Variants in WASHC2C observed in about 807,000 individuals in gnomAD.
WASHC2C encodes WASH complex subunit 2C, also known as Vaccinia Penetration Factor.
Under a neutral mutation model 142.2 loss-of-function variants are expected in WASHC2C, and 73 were observed. The ratio of observed to expected loss-of-function variants is 0.51; its 90% CI spans 0.43 to 0.62. The LOEUF is 0.62. Among genes scored for constraint, WASHC2C ranks in the 20% least tolerant of loss-of-function variants. The pLI is 0.00. For missense variants in WASHC2C, 969 were observed against 1,531.7 expected (o/e 0.63, Z 6.13); for synonymous variants, 337 against 565.5 (o/e 0.60, Z 5.73).
At chr10:45,782,280 CCT>C (rs2057566168) in intron 23 of WASHC2C, among the ~76,000 whole-genome samples, 1 of 151,850 alleles carries the variant, frequency 6.6e-6, no homozygotes, top group South Asian at 2.1e-4. Context: ...AGAACGAGAC[CCT>C]GTCTGAAAAA....
intron 8 of WASHC2C, among the ~76,000 whole-genome samples, chr10:45,747,424 G>C (rs577158697): frequency 6.6e-6 from 1 of 152,170 alleles, no homozygotes; most frequent in African/African-American, 2.4e-5. Context: ...GATTACAGGC[G>C]TGAGCCACCA....
intron 3 of WASHC2C, among the ~76,000 whole-genome samples, chr10:45,735,403 T>C (rs1554864102): frequency 6.6e-6 from 1 of 151,294 alleles, no homozygotes; most frequent in Non-Finnish European, 1.5e-5. Context: ...CTAATTTTTA[T>C]ATTTTTAGTA....
upstream of WASHC2C, chr10:45,727,201 T>C (rs1486852547): frequency 1.4e-4 from 208 of 1,475,636 alleles, 1 homozygote; most frequent in Non-Finnish European, 1.8e-4. Flanking sequence ...TCACGTGACA[T>C]CAGGTCACGT....
chr10:45,731,557 C>T (rs1256175620), intron 3 of WASHC2C, among the ~76,000 whole-genome samples: 7 of 148,730 alleles, frequency 4.7e-5, no homozygotes, highest in East Asian at 2.0e-4. Context: ...CCACTGCGCT[C>T]GGCCCTTAGT....
At position 45,751,094 on chromosome 10, in the gene WASHC2C, T is replaced by C. The variant is rs577553882; in HGVS notation, c.931+256T>C. Among the ~76,000 whole-genome samples, 116 of 152,228 alleles carry C rather than the reference T, an allele frequency of 7.6e-4. 2 individuals are homozygous for C. In the South Asian group the frequency reaches 0.02, roughly 26 times the overall value. On this transcript the variant is annotated intron_variant, in intron 10 of 30. Coordinates refer to ENST00000623400, the MANE Select transcript of WASHC2C (RefSeq NM_001330074.2). Reference sequence around the variant, plus strand: ...ACCCTTTACATATAATTTCAGGGGATTAATGGAAACTCCAGAGAACCATGG... The same window carrying C: ...ACCCTTTACATATAATTTCAGGGGACTAATGGAAACTCCAGAGAACCATGG...
At chr10:45,748,344 C>T (rs1336677061) in intron 8 of WASHC2C, among the ~76,000 whole-genome samples, 3 of 129,870 alleles carry the variant, frequency 2.3e-5, no homozygotes, top group Non-Finnish European at 3.1e-5. Context: ...GGCTGGAGTG[C>T]AGTGGCACGA....
At chr10:45,754,426 A>G (rs543095438) in intron 13 of WASHC2C, 60 bp from the exon 14 acceptor site, 3 of 1,603,262 alleles carry the variant, frequency 1.9e-6, no homozygotes, top group African/African-American at 2.7e-5. Flanking sequence ...TTTCAGGAAG[A>G]AAATAGCAAG....
At chr10:45,787,676 G>A (rs1470108791) in intron 28 of WASHC2C, among the ~76,000 whole-genome samples, 5 of 151,602 alleles carry the variant, frequency 3.3e-5, no homozygotes, top group African/African-American at 4.9e-5. Context: ...TTCCTCACTA[G>A]TCACTTCACA....
At chr10:45,735,232 T>C (rs1342175910) in intron 3 of WASHC2C, among the ~76,000 whole-genome samples, 1 of 151,658 alleles carries the variant, frequency 6.6e-6, no homozygotes, top group African/African-American at 2.4e-5. Context: ...CTTTTACTTA[T>C]TTATTTATTT....
intron 11 of WASHC2C, among the ~76,000 whole-genome samples, 191 bp downstream of exon 11, chr10:45,751,744 G>A (rs1413181910): frequency 2.0e-5 from 3 of 152,306 alleles, no homozygotes; most frequent in African/African-American, 4.8e-5. Flanking sequence ...TTGGGAGGCC[G>A]AGGCGGGTGG....
chr10:45,751,867 C>G (rs2053634357), intron 11 of WASHC2C, among the ~76,000 whole-genome samples: 1 of 152,022 alleles, frequency 6.6e-6, no homozygotes, highest in Admixed American at 6.6e-5. Flanking sequence ...GTCCCAGCTA[C>G]TTGGGAGGCT....
intron 2 of WASHC2C, among the ~76,000 whole-genome samples, chr10:45,728,653 G>C (rs2050191292): frequency 6.6e-6 from 1 of 151,498 alleles, no homozygotes; most frequent in Admixed American, 6.6e-5. Flanking sequence ...CAGGAGAATC[G>C]CTTGAACGCG....
In WASHC2C at chr10:45,727,558, G is replaced by A. The variant is rs748350056; in HGVS notation, c.126+19G>A. Reference sequence around the variant, plus strand: ...CGCGGGCGTGAGAGGCGGGCCCCGGGGACGCGAGAGCGGCAGGGGTGACGC... The same window carrying A: ...CGCGGGCGTGAGAGGCGGGCCCCGGAGACGCGAGAGCGGCAGGGGTGACGC... On this transcript the variant is annotated intron_variant, in intron 2 of 30. Coordinates refer to ENST00000623400, the MANE Select transcript of WASHC2C (RefSeq NM_001330074.2). 2.9e-5 allele frequency: 45 copies of A among 1,562,996 alleles called. No homozygotes were observed. The Admixed American group carries it at 5.8e-4, about 20-fold the overall frequency.
chr10:45,732,575 TCTTAG>T (rs1300310259), intron 3 of WASHC2C, among the ~76,000 whole-genome samples: 3 of 152,090 alleles, frequency 2.0e-5, no homozygotes, highest in African/African-American at 7.2e-5. Flanking sequence ...TGTTTCAAAA[TCTTAG>T]CTTTGTAAAA....
Position 45,729,005 on chromosome 10 carries a change from T to C in WASHC2C, c.270T>C (p.Ser90=), listed in dbSNP as rs377604507. Reference sequence around the variant, plus strand: ...TCTTCAATGACTTCCTTATGCTCTCTAATACCCAGTTCATAGAGAATGTGA... The same window carrying C: ...TCTTCAATGACTTCCTTATGCTCTCCAATACCCAGTTCATAGAGAATGTGA... The part of the protein sequence containing the change: ...HNVFNDFLML[S]NTQFIENRVY... The change falls in exon 3 of 31, where the codon TCT becomes TCC. Residue 90 remains serine (S), a synonymous_variant. Coordinates refer to ENST00000623400, the MANE Select transcript of WASHC2C (RefSeq NM_001330074.2). The C allele has an allele frequency of 1.9e-6, 3 of 1,613,542 alleles. No individual in the cohort carries two copies. The highest frequency in any genetic ancestry group is 2.2e-5 in the South Asian group (2 of 90,918).
chr10:45,784,635 A>G lies in WASHC2C; in HGVS notation c.2549A>G (p.Lys850Arg), dbSNP rs1554889257. ...GATGAAGAGCTGCTTTTCAGCCACA[A>G]GCTCCAAAAGGACAATGACCCAGAT... ...FQDEELLFSH[K>R]LQKDNDPDVD... The change falls in exon 24 of 31, where the codon AAG becomes AGG. Residue 850 changes from lysine (K) to arginine (R), a missense_variant. Lys to Arg is a conservative substitution (Grantham distance 26). Coordinates refer to ENST00000623400, the MANE Select transcript of WASHC2C (RefSeq NM_001330074.2). 3 of 1,609,986 alleles carry G rather than the reference A, an allele frequency of 1.9e-6. No homozygotes were observed. The highest frequency in any genetic ancestry group is 2.2e-5 in the South Asian group (2 of 90,856).
At chr10:45,761,322 G>A (rs1403982721) in intron 17 of WASHC2C, among the ~76,000 whole-genome samples, 1 of 152,212 alleles carries the variant, frequency 6.6e-6, no homozygotes, top group East Asian at 1.9e-4. Context: ...TGGAGGCCAT[G>A]TCGCCTTCTG....
intron 26 of WASHC2C, 139 bp from the exon 27 acceptor site, chr10:45,786,467 CCCCAGG>C (rs2058050338): frequency 2.2e-6 from 2 of 911,718 alleles, no homozygotes; most frequent in Non-Finnish European, 3.6e-6. Context: ...AAACATCAGG[CCCCAGG>C]AGAGATTTGA....
intron 23 of WASHC2C, among the ~76,000 whole-genome samples, chr10:45,779,943 C>T (rs1447276721): frequency 6.6e-6 from 1 of 151,322 alleles, no homozygotes; most frequent in African/African-American, 2.4e-5. Flanking sequence ...CGAGATCGCA[C>T]CACTGCACTC....
Sources: gnomAD v4.1 joint callset for allele counts (sites outside exome capture counted in the v4.1 genomes callset) on GRCh38, gnomAD v4.1.1 for gene constraint, MANE v1.5 for transcripts, NCBI Gene and HGNC (gene_info 2026-07-23, HGNC 2026-07-21) for gene names.